GALNTL6: variants seen among roughly 807,000 people sequenced by gnomAD.
GALNTL6 encodes polypeptide N-acetylgalactosaminyltransferase-like 6.
Under a neutral mutation model 73.7 loss-of-function variants are expected in GALNTL6, and 46 were observed. The ratio of observed to expected loss-of-function variants is 0.62; its 90% CI spans 0.49 to 0.80. The LOEUF (loss-of-function observed/expected upper bound fraction) is 0.80. Among genes scored for constraint, GALNTL6 ranks in the 30% least tolerant of loss-of-function variants. The pLI is 0.00. For missense variants in GALNTL6, 604 were observed against 755.0 expected (o/e 0.80, Z 2.34); for synonymous variants, 259 against 263.7 (o/e 0.98, Z 0.17).
chr4:172,395,785 A>G (rs1192257098), intron 5 of GALNTL6, among the ~76,000 whole-genome samples: 1 of 152,168 alleles, frequency 6.6e-6, no homozygotes, highest in East Asian at 1.9e-4. Flanking sequence ...GGCAAAAATT[A>G]GTTTCAAAAA....
chr4:172,875,287 A>G (rs1745136276), intron 7 of GALNTL6, among the ~76,000 whole-genome samples: 1 of 152,204 alleles, frequency 6.6e-6, no homozygotes, highest in Non-Finnish European at 1.5e-5. Flanking sequence ...CAAGGTCATT[A>G]TCCTATTAAG....
chr4:173,026,393 C>T (rs1421562724), intron 12 of GALNTL6, among the ~76,000 whole-genome samples: 1 of 152,068 alleles, frequency 6.6e-6, no homozygotes, highest in Non-Finnish European at 1.5e-5. Context: ...TATAAATACC[C>T]CAACTCCCTT....
intron 2 of GALNTL6, among the ~76,000 whole-genome samples, chr4:172,171,046 C>T (rs1004889139): frequency 6.6e-6 from 1 of 152,080 alleles, no homozygotes; most frequent in Non-Finnish European, 1.5e-5. Context: ...TTTATTAAGA[C>T]ATAAACAATT....
At chr4:172,715,882 G>A (rs1735048121) in intron 5 of GALNTL6, among the ~76,000 whole-genome samples, 1 of 152,166 alleles carries the variant, frequency 6.6e-6, no homozygotes, top group African/African-American at 2.4e-5. Context: ...AACAAACTAA[G>A]TACACTATGT....
chr4:172,374,858 G>A (rs1232550782), intron 5 of GALNTL6, among the ~76,000 whole-genome samples: 1 of 152,146 alleles, frequency 6.6e-6, no homozygotes, highest in African/African-American at 2.4e-5. Flanking sequence ...GAGGTTGAAG[G>A]TTTGCCCTAG....
At chr4:172,270,092 A>T (rs1210853302) in intron 3 of GALNTL6, among the ~76,000 whole-genome samples, 1 of 152,098 alleles carries the variant, frequency 6.6e-6, no homozygotes, top group Non-Finnish European at 1.5e-5. Context: ...AAAAAGAATA[A>T]ATTGCCAGAT....
intron 2 of GALNTL6, among the ~76,000 whole-genome samples, chr4:171,941,169 G>T (rs1179875630): frequency 1.3e-5 from 2 of 152,126 alleles, no homozygotes; most frequent in Non-Finnish European, 2.9e-5. Flanking sequence ...GTCATGGATG[G>T]TTAAGCAGAG....
At chr4:172,929,223 A>G (rs1418951326) in intron 8 of GALNTL6, among the ~76,000 whole-genome samples, 1 of 152,234 alleles carries the variant, frequency 6.6e-6, no homozygotes, top group Non-Finnish European at 1.5e-5. Flanking sequence ...CAGCAACTGA[A>G]TGTTGCTTTA....
intron 2 of GALNTL6, among the ~76,000 whole-genome samples, chr4:172,065,545 G>A (rs150067412): frequency 4.0e-5 from 6 of 151,808 alleles, no homozygotes; most frequent in Admixed American, 1.3e-4. Context: ...TTTGACCTCC[G>A]ATACTGAACT....
At chr4:171,891,855 T>G (rs1736772618) in intron 2 of GALNTL6, among the ~76,000 whole-genome samples, 1 of 152,220 alleles carries the variant, frequency 6.6e-6, no homozygotes, top group Non-Finnish European at 1.5e-5. Context: ...TAAAACATAT[T>G]CACTGTTTTT....
intron 2 of GALNTL6, among the ~76,000 whole-genome samples, chr4:172,204,812 C>G (rs1177892367): frequency 6.6e-6 from 1 of 152,046 alleles, no homozygotes; most frequent in African/African-American, 2.4e-5. Context: ...CCTTTGCCAA[C>G]TCATTAAATA....
At chr4:172,274,608 G>T (rs1738766344) in intron 3 of GALNTL6, among the ~76,000 whole-genome samples, 1 of 152,140 alleles carries the variant, frequency 6.6e-6, no homozygotes, top group Non-Finnish European at 1.5e-5. Flanking sequence ...AGAATAAAAT[G>T]ATTGAAAGAG....
intron 5 of GALNTL6, among the ~76,000 whole-genome samples, chr4:172,585,821 A>G (rs2110985032): frequency 6.6e-6 from 1 of 152,300 alleles, no homozygotes; most frequent in Non-Finnish European, 1.5e-5. Flanking sequence ...AGAAAAAAAC[A>G]AAGAACCCCA....
intron 7 of GALNTL6, among the ~76,000 whole-genome samples, chr4:172,851,156 T>G (rs1459318787): frequency 6.6e-6 from 1 of 152,116 alleles, no homozygotes; most frequent in Non-Finnish European, 1.5e-5. Context: ...AGTGTTGCCC[T>G]TTAGAACAAA....
intron 3 of GALNTL6, among the ~76,000 whole-genome samples, chr4:172,285,151 C>T (rs1338558786): frequency 6.6e-6 from 1 of 152,032 alleles, no homozygotes; most frequent in Non-Finnish European, 1.5e-5. Flanking sequence ...TCTTTCACTT[C>T]CTTGATTAGA....
At chr4:173,017,023 C>G (rs953148356) in intron 11 of GALNTL6, among the ~76,000 whole-genome samples, 4 of 152,060 alleles carry the variant, frequency 2.6e-5, no homozygotes, top group African/African-American at 9.7e-5. Context: ...CCCCCTTTTG[C>G]TTGGCACTGC....
Position 172,688,388 on chromosome 4 carries a change from G to A in GALNTL6, c.554-120973G>A, listed in dbSNP as rs145363312. On this transcript the variant is annotated intron_variant, in intron 5 of 12. Coordinates refer to ENST00000506823, the MANE Select transcript of GALNTL6 (RefSeq NM_001034845.3). ...AATTTATGGTAGTAAATTGAGCAAG[G>A]TGATGTGCGTAGCAAGTGGTAGTGC... Among the ~76,000 whole-genome samples the A allele has an allele frequency of 1.7e-3, 261 of 152,280 alleles. 1 individual carries two copies. Among genetic ancestry groups the A allele is most frequent in the African/African-American group, 6.1e-3 (255 of 41,562 alleles).
At chr4:171,819,725 A>G (rs899918616) in intron 2 of GALNTL6, among the ~76,000 whole-genome samples, 1 of 152,164 alleles carries the variant, frequency 6.6e-6, no homozygotes, top group Non-Finnish European at 1.5e-5. Context: ...TAAAATCATG[A>G]GAAGGCATCA....
At chr4:171,978,554 G>GA (rs1739789433) in intron 2 of GALNTL6, among the ~76,000 whole-genome samples, 1 of 152,138 alleles carries the variant, frequency 6.6e-6, no homozygotes, top group Non-Finnish European at 1.5e-5. Flanking sequence ...CCAAGAGAAA[G>GA]AAACAAGTTT....
Sources: allele counts gnomAD v4.1 joint callset (sites outside exome capture counted in the v4.1 genomes callset), GRCh38; gene constraint gnomAD v4.1.1; transcripts MANE v1.5; gene names NCBI Gene and HGNC (gene_info 2026-07-23, HGNC 2026-07-21).